TNFAIP8L1: variants seen among roughly 807,000 people sequenced by gnomAD.
The protein encoded by TNFAIP8L1 is tumor necrosis factor alpha-induced protein 8-like protein 1.
For missense variants in TNFAIP8L1, 225 were observed against 266.1 expected (o/e 0.85, Z 1.08); for synonymous variants, 127 against 125.6 (o/e 1.01, Z -0.08).
chr19:4,646,528 A>C (rs1035411233), intron 1 of TNFAIP8L1, among the ~76,000 whole-genome samples: 9 of 151,868 alleles, frequency 5.9e-5, no homozygotes, highest in Non-Finnish European at 4.4e-5. Context: ...CACTCACCCC[A>C]AAAAAACCTG....
In TNFAIP8L1 at chr19:4,655,311, C is replaced by T. The variant is rs1167441353; in HGVS notation, c.*2881C>T. ...GCCAGAGAGCCAGCTGTTCCTACCT[C>T]TACCCCACGCTTCCAAGGCAACCTT... On this transcript the variant is annotated 3_prime_UTR_variant, in exon 2 of 2. Coordinates refer to ENST00000327473, the MANE Select transcript of TNFAIP8L1 (RefSeq NM_152362.3). 1 of 152,232 alleles carries T rather than the reference C, an allele frequency of 6.6e-6. No homozygotes were observed. The highest frequency in any genetic ancestry group is 1.9e-4 in the East Asian group (1 of 5,190). The allele number at this position is 152,232 out of a possible 1,614,324, so 9.4% of individuals were successfully genotyped here.
At chr19:4,643,896 C>T (rs986982047) in intron 1 of TNFAIP8L1, among the ~76,000 whole-genome samples, 1 of 150,036 alleles carries the variant, frequency 6.7e-6, no homozygotes, top group African/African-American at 2.5e-5. Flanking sequence ...GATCGCGCAA[C>T]AGAGCGAGAC....
chr19:4,650,345 G>C (rs984279004), intron 1 of TNFAIP8L1, among the ~76,000 whole-genome samples: 2 of 152,028 alleles, frequency 1.3e-5, no homozygotes, highest in African/African-American at 4.8e-5. Context: ...CCAGGGAGGA[G>C]ATGGGGCCTT....
chr19:4,648,588 G>A (rs2145170427), intron 1 of TNFAIP8L1, among the ~76,000 whole-genome samples: 1 of 152,350 alleles, frequency 6.6e-6, no homozygotes, highest in Non-Finnish European at 1.5e-5. Context: ...CCCTCTTCCT[G>A]TTGGCCTTGC....
Position 4,654,356 on chromosome 19 carries a change from TG to T in TNFAIP8L1, c.*1927del, listed in dbSNP as rs2088403246. On this transcript the variant is annotated 3_prime_UTR_variant, in exon 2 of 2. Transcript: ENST00000327473. The stretch of plus-strand genomic sequence containing the variant: ...ATGTGTGCACATTTTATTTATTTAT[TG>T]TTTTGAGACAAAGTCTCGCTGTGTC... 1 of 152,136 alleles carries T rather than the reference TG, an allele frequency of 6.6e-6. No homozygotes were observed. Among genetic ancestry groups the T allele is most frequent in the African/African-American group, 2.4e-5 (1 of 41,426 alleles). 9.4% of individuals were successfully genotyped at this position (152,136 alleles called of 1,614,324 possible).
At chr19:4,639,783 G>T (rs749410076) in intron 1 of TNFAIP8L1, 154 bp downstream of exon 1, 1 of 152,442 alleles carries the variant, frequency 6.6e-6, no homozygotes, top group African/African-American at 2.4e-5. Flanking sequence ...TGTCACTCTC[G>T]CTGTATAGGT....
intron 1 of TNFAIP8L1, among the ~76,000 whole-genome samples, chr19:4,646,545 A>G (rs2088312933): frequency 6.6e-6 from 1 of 151,970 alleles, no homozygotes; most frequent in African/African-American, 2.4e-5. Context: ...CCTGGTTCCC[A>G]ATTTAGCAAT....
At chr19:4,650,787 C>T (rs974612938) in intron 1 of TNFAIP8L1, among the ~76,000 whole-genome samples, 13 of 152,286 alleles carry the variant, frequency 8.5e-5, no homozygotes, top group African/African-American at 3.1e-4. Flanking sequence ...CACCCCCTGG[C>T]TCACTCGGGG....
intron 1 of TNFAIP8L1, chr19:4,639,927 A>AGATTCCAGAACCCTGAGGG (rs1401273979): frequency 6.5e-6 from 1 of 153,094 alleles, no homozygotes; most frequent in Non-Finnish European, 1.5e-5. Context: ...TGCTCAGGCC[A>AGATTCCAGAACCCTGAGGG]GATTCCAGAA....
intron 1 of TNFAIP8L1, among the ~76,000 whole-genome samples, chr19:4,649,340 C>G (rs1056316832): frequency 2.9e-4 from 44 of 152,000 alleles, no homozygotes; most frequent in African/African-American, 1.1e-3. Context: ...GTTGCAGCCT[C>G]TCGTCCAGAG....
chr19:4,649,248 C>T (rs996455872), intron 1 of TNFAIP8L1, among the ~76,000 whole-genome samples: 2 of 149,976 alleles, frequency 1.3e-5, no homozygotes, highest in African/African-American at 4.9e-5. Context: ...TTTTTTTGCA[C>T]AGGGAATCTC....
Position 4,645,319 on chromosome 19 carries a change from G to A in TNFAIP8L1, c.-4+5690G>A, listed in dbSNP as rs112589556. ...TCCCAGCAGTTTGGGAGGCCGAGGC[G>A]AGTAGATCACTTGAGGCCGGGAGTT... is the stretch of plus-strand genomic sequence containing the variant. On this transcript the variant is annotated intron_variant, in intron 1 of 1. Transcript: ENST00000327473. This position sits in a 1 kb window ranked among gnomAD's most constrained non-coding sequence, Gnocchi z 4.1. 0.02 allele frequency among the ~76,000 whole-genome samples: 3,051 copies of A among 151,196 alleles called. 110 individuals are homozygous for A. The highest frequency in any genetic ancestry group is 0.071 in the African/African-American group (2,921 of 40,902).
chr19:4,643,456 G>A (rs1224442554), intron 1 of TNFAIP8L1, among the ~76,000 whole-genome samples: 5 of 151,992 alleles, frequency 3.3e-5, no homozygotes, highest in Non-Finnish European at 5.9e-5. Flanking sequence ...TTTGGCCCTC[G>A]AACCCTTTCT....
intron 1 of TNFAIP8L1, among the ~76,000 whole-genome samples, chr19:4,647,245 G>A (rs1406846083): frequency 6.6e-6 from 1 of 152,178 alleles, no homozygotes; most frequent in Non-Finnish European, 1.5e-5. Context: ...ATCCCCCAAA[G>A]TGGAATTGCT....
intron 1 of TNFAIP8L1, among the ~76,000 whole-genome samples, chr19:4,647,609 CTTTTTTTTTTTTT>C (rs57985958): frequency 2.5e-5 from 2 of 80,562 alleles, no homozygotes; most frequent in Non-Finnish European, 4.7e-5. Flanking sequence ...GTGCACCTGG[CTTTTTTTTTTTTT>C]TTTTTTTTTT....
chr19:4,649,934 G>A (rs1031978658), intron 1 of TNFAIP8L1, among the ~76,000 whole-genome samples: 1 of 152,238 alleles, frequency 6.6e-6, no homozygotes, highest in Admixed American at 6.5e-5. Context: ...GGCTCCTGGG[G>A]TAGGTGGGTG....
At chr19:4,647,493 G>T (rs1229923762) in intron 1 of TNFAIP8L1, among the ~76,000 whole-genome samples, 1 of 150,934 alleles carries the variant, frequency 6.6e-6, no homozygotes, top group Non-Finnish European at 1.5e-5. Context: ...TGTATTTTTA[G>T]TAGAGATAAG....
chr19:4,646,578 C>A (rs1446000762), intron 1 of TNFAIP8L1, among the ~76,000 whole-genome samples: 1 of 152,068 alleles, frequency 6.6e-6, no homozygotes, highest in Non-Finnish European at 1.5e-5. Flanking sequence ...TCCCCTCTTC[C>A]AGTTTCCAGC....
intron 1 of TNFAIP8L1, chr19:4,640,528 C>T (rs539537706): frequency 6.6e-6 from 1 of 152,372 alleles, no homozygotes; most frequent in East Asian, 1.9e-4. Flanking sequence ...AGCTCTGCCA[C>T]CCGCATGATA....
Sources: allele counts gnomAD v4.1 joint callset (sites outside exome capture counted in the v4.1 genomes callset), GRCh38; gene constraint gnomAD v4.1.1; non-coding constraint Gnocchi (gnomAD v3.1); transcripts MANE v1.5; gene names NCBI Gene and HGNC (gene_info 2026-07-23, HGNC 2026-07-21).